The following ADAMTS19 variants were observed in gnomAD, a reference collection of about 807,000 sequenced individuals.
The protein encoded by ADAMTS19 is ADAM metallopeptidase with thrombospondin type 1 motif 19.
In ADAMTS19, 93 loss-of-function variants were observed where a neutral mutation model predicts 153.3. The observed-to-expected ratio is 0.61, with a 90% CI of 0.51 to 0.72. The LOEUF (loss-of-function observed/expected upper bound fraction) is 0.72, where lower values mean the gene tolerates loss of function less well. Ranked by LOEUF, ADAMTS19 falls within the 30% of genes least tolerant of loss-of-function variation. The pLI is 0.00. For missense variants in ADAMTS19, 1,482 were observed against 1,552.1 expected, an observed-to-expected ratio of 0.95 and a Z score of 0.76; for synonymous variants, 600 against 556.6, an observed-to-expected ratio of 1.08 and a Z score of -1.10.
At chr5:129,562,600 A>G (rs578171789) in intron 7 of ADAMTS19, among the ~76,000 whole-genome samples, 1 of 152,268 alleles carries the variant, frequency 6.6e-6, no homozygotes, top group South Asian at 2.1e-4. Context: ...AGAATGATTG[A>G]TAATCAATGG....
At chr5:129,709,976 ATTTAAT>A (rs1449881503) in intron 21 of ADAMTS19, among the ~76,000 whole-genome samples, 4 of 148,546 alleles carry the variant, frequency 2.7e-5, no homozygotes, top group African/African-American at 9.9e-5. Context: ...TTTTTTTTTA[ATTTAAT>A]TTTAAGTTCC....
chr5:129,573,238 A>T (rs763323602), intron 7 of ADAMTS19, among the ~76,000 whole-genome samples: 2 of 152,018 alleles, frequency 1.3e-5, no homozygotes, highest in East Asian at 3.9e-4. Flanking sequence ...TTTTTTGCAG[A>T]TTTTAGTGAG....
intron 15 of ADAMTS19, 97 bp downstream of exon 15, chr5:129,658,834 T>C: frequency 8.6e-6 from 11 of 1,285,254 alleles, no homozygotes; most frequent in Non-Finnish European, 9.4e-6. Context: ...GTTCTAATTC[T>C]ATTGAAGACT....
chr5:129,622,044 T>C (rs898050411), intron 9 of ADAMTS19, among the ~76,000 whole-genome samples, 154 bp from the exon 10 acceptor site: 1 of 152,238 alleles, frequency 6.6e-6, no homozygotes, highest in African/African-American at 2.4e-5. Flanking sequence ...AAATAAATGA[T>C]TTTTGACATA....
chr5:129,462,126 G>T (rs1368239018), intron 2 of ADAMTS19, among the ~76,000 whole-genome samples: 1 of 152,192 alleles, frequency 6.6e-6, no homozygotes, highest in Non-Finnish European at 1.5e-5. Flanking sequence ...AAGACAACCA[G>T]TCGGCTCACT....
At chr5:129,625,276 G>A (rs1181754833) in intron 10 of ADAMTS19, among the ~76,000 whole-genome samples, 2 of 152,152 alleles carry the variant, frequency 1.3e-5, no homozygotes, top group Non-Finnish European at 2.9e-5. Flanking sequence ...TTGCTATTGT[G>A]AATAGTGCCA....
At chr5:129,682,832 T>C (rs1181413266) in intron 17 of ADAMTS19, among the ~76,000 whole-genome samples, 1 of 152,074 alleles carries the variant, frequency 6.6e-6, no homozygotes, top group Non-Finnish European at 1.5e-5. Flanking sequence ...CACACTAGTC[T>C]CCCAATCCGC....
chr5:129,660,851 A>G (rs1018207413), intron 15 of ADAMTS19, among the ~76,000 whole-genome samples: 1 of 152,130 alleles, frequency 6.6e-6, no homozygotes, highest in Non-Finnish European at 1.5e-5. Flanking sequence ...TTGGACCTTA[A>G]GGTCTACATG....
At chr5:129,714,402 G>A (rs1305426896) in intron 21 of ADAMTS19, among the ~76,000 whole-genome samples, 1 of 142,740 alleles carries the variant, frequency 7.0e-6, no homozygotes, top group Non-Finnish European at 1.5e-5. Flanking sequence ...GTCCGGCCTG[G>A]GCGACAGAGC....
At chr5:129,634,998 G>A (rs756974050) in intron 10 of ADAMTS19, among the ~76,000 whole-genome samples, 1 of 151,934 alleles carries the variant, frequency 6.6e-6, no homozygotes, top group Non-Finnish European at 1.5e-5. Flanking sequence ...CCTACAGAGT[G>A]GGAGAAAATT....
intron 8 of ADAMTS19, among the ~76,000 whole-genome samples, chr5:129,606,347 C>A (rs565252991): frequency 3.3e-5 from 5 of 152,272 alleles, no homozygotes; most frequent in Admixed American, 3.3e-4. Flanking sequence ...TGCTACAAGG[C>A]CTTTAGTTGA....
At chr5:129,460,507 C>T in intron 1 of ADAMTS19, 25 bp downstream of exon 1, 1 of 1,613,812 alleles carries the variant, frequency 6.2e-7, no homozygotes, top group Non-Finnish European at 8.5e-7. Flanking sequence ...GACTTTCTCG[C>T]TTCCTTTCCA....
rs79831551 is a variant in ADAMTS19 at position 129,677,924 on chromosome 5, C to A, written c.2507-1840C>A. Among the ~76,000 whole-genome samples, 1,281 of 152,198 alleles carry A rather than the reference C, an allele frequency of 8.4e-3. 21 individuals are homozygous for A. The highest frequency in any genetic ancestry group is 0.025 in the African/African-American group (1,038 of 41,522). On this transcript the variant is annotated intron_variant, in intron 16 of 22. Transcript: ENST00000274487. The stretch of plus-strand genomic sequence containing the variant: ...ACCTCCTAGGTTCAAGCGATCCACC[C>A]ACCTCAGCCTCCCGAGTCACTGGGA...
chr5:129,706,376 C>T (rs1048851291), intron 21 of ADAMTS19, among the ~76,000 whole-genome samples: 4 of 152,048 alleles, frequency 2.6e-5, no homozygotes, highest in African/African-American at 9.7e-5. Flanking sequence ...TTGAGACCAG[C>T]CTGGCCAACA....
chr5:129,536,696 A>C (rs1227165713), intron 6 of ADAMTS19, among the ~76,000 whole-genome samples: 8 of 152,342 alleles, frequency 5.3e-5, no homozygotes, highest in African/African-American at 1.9e-4. Flanking sequence ...GATTAAGAAA[A>C]TGTGGCACAT....
At chr5:129,551,016 G>C (rs537985981) in intron 6 of ADAMTS19, among the ~76,000 whole-genome samples, 15 of 151,586 alleles carry the variant, frequency 9.9e-5, no homozygotes, top group Admixed American at 7.9e-4. Flanking sequence ...CCCTTGCACA[G>C]TAACCTAAGT....
At chr5:129,622,720 C>A (rs1751836802) in intron 10 of ADAMTS19, among the ~76,000 whole-genome samples, 1 of 152,122 alleles carries the variant, frequency 6.6e-6, no homozygotes, top group Non-Finnish European at 1.5e-5. Context: ...GATACCAAAA[C>A]TCCCAGCTGC....
At chr5:129,583,011 T>A (rs1358722986) in intron 7 of ADAMTS19, among the ~76,000 whole-genome samples, 1 of 152,192 alleles carries the variant, frequency 6.6e-6, no homozygotes, top group Non-Finnish European at 1.5e-5. Flanking sequence ...GTGTTGGTGA[T>A]CTTTACAATT....
At chr5:129,477,414 C>T (rs1364290952) in intron 2 of ADAMTS19, among the ~76,000 whole-genome samples, 2 of 152,114 alleles carry the variant, frequency 1.3e-5, no homozygotes, top group Non-Finnish European at 2.9e-5. Context: ...TGAATTGATA[C>T]AACCTTCGTA....
Sources: gnomAD v4.1 joint callset for allele counts (sites outside exome capture counted in the v4.1 genomes callset) on GRCh38, gnomAD v4.1.1 for gene constraint, MANE v1.5 for transcripts, NCBI Gene and HGNC (gene_info 2026-07-23, HGNC 2026-07-21) for gene names.